FNDC1: variants seen among roughly 807,000 people sequenced by gnomAD.
FNDC1 encodes fibronectin type III domain-containing protein 1.
In FNDC1, 96 loss-of-function variants were observed where a neutral mutation model predicts 168.0. The observed-to-expected ratio is 0.57, with a 90% CI of 0.48 to 0.68. FNDC1 has a LOEUF of 0.68. Ranked by LOEUF, FNDC1 falls within the 30% of genes least tolerant of loss-of-function variation. FNDC1 has a pLI of 0.00. For missense variants in FNDC1, 2,587 were observed against 2,482.1 expected (o/e 1.04, Z -0.90); for synonymous variants, 1,099 against 1,025.9 (o/e 1.07, Z -1.36).
intron 18 of FNDC1, among the ~76,000 whole-genome samples, chr6:159,259,559 C>G (rs1250183995): frequency 6.6e-6 from 1 of 152,190 alleles, no homozygotes; most frequent in Non-Finnish European, 1.5e-5. Context: ...CATGGAGCCC[C>G]TGAGTATGCA....
intron 10 of FNDC1, among the ~76,000 whole-genome samples, chr6:159,231,553 G>T (rs1583891272): frequency 1.3e-5 from 2 of 152,084 alleles, no homozygotes; most frequent in Middle Eastern, 3.2e-3. Context: ...TCCTATATAA[G>T]ATTTTGCATT....
intron 1 of FNDC1, 77 bp from the exon 2 acceptor site, chr6:159,197,354 A>T (rs1782266453): frequency 6.0e-6 from 8 of 1,328,916 alleles, no homozygotes; most frequent in Non-Finnish European, 8.3e-6. Context: ...TTTTCCTAAC[A>T]ATATCAAAGA....
intron 1 of FNDC1, among the ~76,000 whole-genome samples, chr6:159,188,156 C>T (rs1266190022): frequency 1.3e-5 from 2 of 152,150 alleles, no homozygotes; most frequent in Non-Finnish European, 2.9e-5. Context: ...CATTAAAGAG[C>T]AATCTTTGGT....
In FNDC1 at chr6:159,239,860, C is replaced by T; in HGVS notation, c.4524C>T (p.Pro1508=). 4 of 1,550,276 alleles carry T rather than the reference C, an allele frequency of 2.6e-6. No individual in the cohort carries two copies. The highest frequency in any genetic ancestry group is 1.2e-5 in the South Asian group (1 of 83,796). Residue 1508 remains proline (P), a synonymous_variant, in exon 14 of 23, where the codon CCC becomes CCT. Transcript: ENST00000297267. ...TTTTTPTPTT[P]IPTCPPGTLE... Reference sequence around the variant, plus strand: ...CCACCACCCCCACACCCACCACTCCCATCCCCACCTGTCCCCCTGGGACCT... The same window carrying T: ...CCACCACCCCCACACCCACCACTCCTATCCCCACCTGTCCCCCTGGGACCT...
chr6:159,215,245 A>G (rs1429138458), intron 5 of FNDC1, 94 bp downstream of exon 5: 2 of 1,119,110 alleles, frequency 1.8e-6, no homozygotes, highest in Non-Finnish European at 2.6e-6. Flanking sequence ...ATTATATTTT[A>G]GTTGTAATGT....
At chr6:159,241,835 T>A (rs1017691342) in intron 14 of FNDC1, among the ~76,000 whole-genome samples, 5 of 152,232 alleles carry the variant, frequency 3.3e-5, no homozygotes, top group Non-Finnish European at 1.5e-5. Flanking sequence ...GAGTTTGGGA[T>A]AAGAATACAT....
At position 159,270,496 on chromosome 6, in the gene FNDC1, T is replaced by TC. The variant is rs1217971487; in HGVS notation, c.5570-828dup. The stretch of plus-strand genomic sequence containing the variant: ...CCTGCATTATCCATATTCCATGGTG[T>TC]CCCTGTGACTGTGGTCATGGGACTG... On this transcript the variant is annotated intron_variant, in intron 22 of 22. Coordinates refer to ENST00000297267, the MANE Select transcript of FNDC1 (RefSeq NM_032532.3). 4.6e-5 allele frequency among the ~76,000 whole-genome samples: 7 copies of TC among 152,202 alleles called. No individual in the cohort carries two copies. The East Asian group carries it at 1.2e-3, about 25-fold the overall frequency.
chr6:159,197,549 C>T lies in FNDC1; in HGVS notation c.228C>T (p.Ala76=). Residue 76 remains alanine, a synonymous_variant, in exon 2 of 23, where the codon GCC becomes GCT. Transcript: ENST00000297267. ...GACCTGTGGAGCATTACAACATTGC[C>T]TATGGGAAGTCACTGAAAAGTCTTA... ...TSRPVEHYNI[A]YGKSLKSLKY... 1 of 1,613,962 alleles carries T rather than the reference C, an allele frequency of 6.2e-7. No homozygotes were observed.
intron 4 of FNDC1, among the ~76,000 whole-genome samples, chr6:159,212,005 A>G (rs1782616730): frequency 6.6e-6 from 1 of 152,100 alleles, no homozygotes; most frequent in African/African-American, 2.4e-5. Context: ...ACTTCAGAAT[A>G]TTTGCCAATT....
chr6:159,239,929 T>A lies in FNDC1; in HGVS notation c.4593T>A (p.Asn1531Lys). 1 of 1,505,352 alleles carries A rather than the reference T, an allele frequency of 6.6e-7. No individual in the cohort carries two copies. Among genetic ancestry groups the A allele is most frequent in the Non-Finnish European group, 8.9e-7 (1 of 1,121,818 alleles). 93.2% of individuals were successfully genotyped at this position (1,505,352 alleles called of 1,614,324 possible). Residue 1531 changes from asparagine to lysine, a missense_variant, in exon 14 of 23, where the codon AAT becomes AAA. Transcript: ENST00000297267. ...ATGGCAACCTGATAATGAGCTCCAATGGGATCCCAGAGTGCTACGCTGAAG... is the reference window on the plus strand; with the variant it reads ...ATGGCAACCTGATAATGAGCTCCAAAGGGATCCCAGAGTGCTACGCTGAAG... ...DDDGNLIMSS[N>K]GIPECYAEED...
chr6:159,178,815 C>T (rs1781821689), intron 1 of FNDC1, among the ~76,000 whole-genome samples: 1 of 151,578 alleles, frequency 6.6e-6, no homozygotes, highest in African/African-American at 2.4e-5. Flanking sequence ...GCGGCTACCA[C>T]CCTGGTCCAA....
At chr6:159,265,704 C>T (rs745325840) in intron 20 of FNDC1, among the ~76,000 whole-genome samples, 2 of 151,990 alleles carry the variant, frequency 1.3e-5, no homozygotes, top group Non-Finnish European at 2.9e-5. Flanking sequence ...CCAAGGTGGG[C>T]GGATTGCGAG....
rs139265083 is a variant in FNDC1 at position 159,232,512 on chromosome 6, G to A, written c.2000G>A (p.Arg667Gln). 50,563 of 1,611,996 alleles carry A rather than the reference G, an allele frequency of 0.031. 952 individuals are homozygous for A. Among genetic ancestry groups the A allele is most frequent in the Middle Eastern group, 0.061 (368 of 6,056 alleles). Reference protein sequence around the residue: ...LHPKGAFAQPRPALSPSRQSP... With the variant: ...LHPKGAFAQPQPALSPSRQSP... ...CCCAAGGGCGCCTTCGCCCAGCCCC[G>A]GCCAGCCCTGTCCCCCAGCCGCCAG... The change falls in exon 11 of 23, where the codon CGG (arginine) becomes CAG (glutamine). Residue 667 changes from arginine to glutamine, a missense_variant. Transcript: ENST00000297267. The surrounding 1 kb of genome is among the most constrained non-coding windows in gnomAD (Gnocchi z 4.9).
chr6:159,197,284 T>G, intron 1 of FNDC1, 147 bp from the exon 2 acceptor site: 1 of 734,928 alleles, frequency 1.4e-6, no homozygotes, highest in Non-Finnish European at 2.2e-6. Flanking sequence ...TGTAATGCTG[T>G]GCAAATACAT....
intron 14 of FNDC1, among the ~76,000 whole-genome samples, chr6:159,240,499 C>T (rs1056655557): frequency 6.6e-6 from 1 of 152,238 alleles, no homozygotes; most frequent in African/African-American, 2.4e-5. Flanking sequence ...GCATGTTCGG[C>T]AGCTGAGCAC....
intron 14 of FNDC1, among the ~76,000 whole-genome samples, chr6:159,243,834 T>C (rs1230192393): frequency 6.6e-6 from 1 of 152,206 alleles, no homozygotes; most frequent in African/African-American, 2.4e-5. Flanking sequence ...TTATTTGGTC[T>C]TAAGAAAAAG....
At chr6:159,267,587 A>G (rs1777616779) in intron 21 of FNDC1, among the ~76,000 whole-genome samples, 1 of 152,192 alleles carries the variant, frequency 6.6e-6, no homozygotes, top group Non-Finnish European at 1.5e-5. Context: ...CTTACTGGAC[A>G]TTCATTAAGT....
chr6:159,194,009 A>G (rs757538034), intron 1 of FNDC1, among the ~76,000 whole-genome samples: 4 of 152,204 alleles, frequency 2.6e-5, no homozygotes, highest in Admixed American at 2.0e-4. Context: ...GTTTACTGGT[A>G]TGAACTGTGG....
At chr6:159,187,578 C>T (rs568277735) in intron 1 of FNDC1, among the ~76,000 whole-genome samples, 12 of 152,252 alleles carry the variant, frequency 7.9e-5, no homozygotes, top group African/African-American at 2.9e-4. Context: ...CAGACTGTGT[C>T]TACCCAACAG....
Sources: gnomAD v4.1 joint callset for allele counts (sites outside exome capture counted in the v4.1 genomes callset) on GRCh38, gnomAD v4.1.1 for gene constraint, Gnocchi (gnomAD v3.1) non-coding constraint, MANE v1.5 for transcripts, NCBI Gene and HGNC (gene_info 2026-07-23, HGNC 2026-07-21) for gene names.